MYO6: variants seen among roughly 807,000 people sequenced by gnomAD.
MYO6 encodes the protein unconventional myosin-VI.
A neutral mutation model predicts 178.7 loss-of-function variants in MYO6; 74 were observed. That is an observed-to-expected ratio of 0.41 (90% CI 0.34 to 0.50). The LOEUF is 0.50. Among genes scored for constraint, MYO6 ranks in the 20% least tolerant of loss-of-function variants. The pLI is 0.09. For synonymous variants in MYO6, 477 were observed against 504.6 expected (o/e 0.95, Z 0.73); for missense variants, 1,330 against 1,547.4 (o/e 0.86, Z 2.36).
rs1277901885 is a variant in MYO6 at position 75,804,992 on chromosome 6, TACAC to T, written c.-47-12501_-47-12498del. Among the ~76,000 whole-genome samples the T allele has an allele frequency of 7.7e-4, 92 of 118,798 alleles. No individual in the cohort carries two copies. In the Admixed American group the frequency reaches 7.8e-3, roughly 10 times the overall value. The allele number at this position is 118,798 out of a possible 152,430, so 77.9% of individuals were successfully genotyped here. On this transcript the variant is annotated intron_variant, in intron 1 of 34. Transcript: ENST00000369977. ...ACATATATACACACACATATATATA[TACAC>T]ACACACATATATATATATATATATA... is the stretch of plus-strand genomic sequence containing the variant.
chr6:75,794,582 A>G (rs543197967), intron 1 of MYO6, among the ~76,000 whole-genome samples: 62 of 152,272 alleles, frequency 4.1e-4, no homozygotes, highest in African/African-American at 1.4e-3. Flanking sequence ...TGAAGGTAGA[A>G]CAAAGACCCT....
At chr6:75,768,002 C>G (rs950896419) in intron 1 of MYO6, 2 of 152,146 alleles carry the variant, frequency 1.3e-5, no homozygotes, top group Non-Finnish European at 2.9e-5. Context: ...CCTCAGCCTC[C>G]TAAGTAGCTG....
At position 75,859,939 on chromosome 6, in the gene MYO6, C is replaced by T. The variant is rs1488700048; in HGVS notation, c.1473+946C>T. 5.3e-5 allele frequency among the ~76,000 whole-genome samples: 8 copies of T among 152,198 alleles called. No individual in the cohort carries two copies. The East Asian group carries it at 9.6e-4, about 18-fold the overall frequency. ...CCTCTAACAGTGCTGGGATTACAGG[C>T]GTGAGCCATCATGCCCGACTGTAGC... On this transcript the variant is annotated intron_variant, in intron 14 of 34. Transcript: ENST00000369977.
At chr6:75,893,151 G>T (rs1403745571) in intron 28 of MYO6, among the ~76,000 whole-genome samples, 6 of 152,062 alleles carry the variant, frequency 3.9e-5, no homozygotes, top group Non-Finnish European at 8.8e-5. Context: ...ACTCTACTCT[G>T]CAATGCCTCA....
In MYO6 at chr6:75,866,624, G is replaced by A; in HGVS notation, c.1770+3G>A. On this transcript the variant is annotated splice_donor_region_variant and intron_variant, in intron 17 of 34. Transcript: ENST00000369977. ...CGGGGGCAGTGTGCTATGAAACAGT[G>A]AGTATAACTTTTACAAGGAGAAAAC... 3.7e-6 allele frequency: 6 copies of A among 1,610,638 alleles called. 1 individual carries two copies. The highest frequency in any genetic ancestry group is 1.7e-4 in the Middle Eastern group (1 of 6,060).
intron 1 of MYO6, among the ~76,000 whole-genome samples, chr6:75,809,990 A>G (rs1361340463): frequency 3.3e-5 from 5 of 150,432 alleles, no homozygotes; most frequent in Middle Eastern, 3.4e-3. Flanking sequence ...AGGCTGAGGC[A>G]GGAGAATTGC....
chr6:75,840,835 A>G lies in MYO6; in HGVS notation c.651+153A>G, dbSNP rs866002576. On this transcript the variant is annotated intron_variant, in intron 8 of 34. Coordinates refer to ENST00000369977, the MANE Select transcript of MYO6 (RefSeq NM_004999.4). ...AGGAATATATGTGTCCACTATGACC[A>G]TCTAAAAGCTCCTTTCACAATCTAA... Among the ~76,000 whole-genome samples, 9 of 152,218 alleles carry G rather than the reference A, an allele frequency of 5.9e-5. No homozygotes were observed. In the South Asian group the frequency reaches 8.3e-4, roughly 14 times the overall value.
chr6:75,870,383 G>A (rs913702186), intron 18 of MYO6, among the ~76,000 whole-genome samples: 1 of 151,994 alleles, frequency 6.6e-6, no homozygotes, highest in Non-Finnish European at 1.5e-5. Context: ...CTGCAAATAT[G>A]TGTGTATGTT....
chr6:75,847,299 G>T lies in MYO6; in HGVS notation c.898-1052G>T, dbSNP rs560349532. ...ATAATTGAACATTTTAAATAATTTT[G>T]TGGAAAGACAATTATAGCTTGAGCT... On this transcript the variant is annotated intron_variant, in intron 10 of 34. Coordinates refer to ENST00000369977, the MANE Select transcript of MYO6 (RefSeq NM_004999.4). 9.8e-4 allele frequency among the ~76,000 whole-genome samples: 149 copies of T among 152,128 alleles called. 1 individual carries two copies. Among genetic ancestry groups the T allele is most frequent in the African/African-American group, 3.5e-3 (146 of 41,532 alleles).
intron 4 of MYO6, among the ~76,000 whole-genome samples, 162 bp from the exon 5 acceptor site, chr6:75,830,254 A>G (rs867292834): frequency 1.3e-5 from 2 of 152,222 alleles, no homozygotes; most frequent in African/African-American, 2.4e-5. Flanking sequence ...ATGGGTCCCT[A>G]TAAAGATCAG....
At chr6:75,880,861 A>G (rs774376551) in intron 22 of MYO6, among the ~76,000 whole-genome samples, 3 of 152,210 alleles carry the variant, frequency 2.0e-5, no homozygotes, top group Non-Finnish European at 4.4e-5. Flanking sequence ...TTTGTGGTAT[A>G]TAGTGGAAAT....
chr6:75,756,876 T>C (rs1777403207), intron 1 of MYO6, among the ~76,000 whole-genome samples: 1 of 125,874 alleles, frequency 7.9e-6, no homozygotes, highest in Non-Finnish European at 1.7e-5. Flanking sequence ...GAAAGAGTAC[T>C]TATGTGTGTT....
At chr6:75,782,646 G>T (rs1448927057) in intron 1 of MYO6, among the ~76,000 whole-genome samples, 1 of 152,002 alleles carries the variant, frequency 6.6e-6, no homozygotes, top group Non-Finnish European at 1.5e-5. Flanking sequence ...TTCTTGCTCT[G>T]TTATCCCATC....
At chr6:75,749,948 CTTTT>C (rs1363519344) in intron 1 of MYO6, among the ~76,000 whole-genome samples, 2 of 152,046 alleles carry the variant, frequency 1.3e-5, no homozygotes, top group Non-Finnish European at 2.9e-5. Context: ...TGAACAAGAA[CTTTT>C]TTTGTTAATT....
intron 1 of MYO6, among the ~76,000 whole-genome samples, chr6:75,813,571 T>A (rs2150154002): frequency 6.6e-6 from 1 of 152,204 alleles, no homozygotes; most frequent in Middle Eastern, 3.4e-3. Context: ...AAGTCCCCCT[T>A]ACTCTTCCCT....
chr6:75,782,727 C>G (rs892665238), intron 1 of MYO6, among the ~76,000 whole-genome samples: 2 of 151,610 alleles, frequency 1.3e-5, no homozygotes, highest in African/African-American at 4.9e-5. Flanking sequence ...TCCTTGTTTT[C>G]TTGCCCTTTA....
intron 1 of MYO6, among the ~76,000 whole-genome samples, chr6:75,782,574 T>A (rs1364442194): frequency 6.6e-6 from 1 of 152,236 alleles, no homozygotes; most frequent in Non-Finnish European, 1.5e-5. Flanking sequence ...CATTTAGTTT[T>A]CAGTGCTGAA....
At chr6:75,799,330 C>T (rs1769191260) in intron 1 of MYO6, among the ~76,000 whole-genome samples, 1 of 150,746 alleles carries the variant, frequency 6.6e-6, no homozygotes, top group African/African-American at 2.4e-5. Context: ...GTGGAGGTTG[C>T]AGTGATTCGC....
At chr6:75,810,899 CA>C (rs1770632196) in intron 1 of MYO6, among the ~76,000 whole-genome samples, 1 of 152,132 alleles carries the variant, frequency 6.6e-6, no homozygotes, top group African/African-American at 2.4e-5. Flanking sequence ...CCCGGTTACT[CA>C]GAAGGCTGAG....
Sources: allele counts gnomAD v4.1 joint callset (sites outside exome capture counted in the v4.1 genomes callset), GRCh38; gene constraint gnomAD v4.1.1; transcripts MANE v1.5; gene names NCBI Gene and HGNC (gene_info 2026-07-23, HGNC 2026-07-21).